The following JMJD1C variants were observed in gnomAD, a reference collection of about 807,000 sequenced individuals.
JMJD1C encodes jumonji domain containing 1C.
A neutral mutation model predicts 245.3 loss-of-function variants in JMJD1C; 31 were observed. The observed-to-expected ratio is 0.13, with a 90% CI of 0.09 to 0.17. The LOEUF (loss-of-function observed/expected upper bound fraction) is 0.17, where lower values mean the gene tolerates loss of function less well. Among genes scored for constraint, JMJD1C ranks in the 10% least tolerant of loss-of-function variants. The pLI, the probability that JMJD1C is intolerant of heterozygous loss-of-function variation, is 1.00. For missense variants in JMJD1C, 2,691 were observed against 3,000.2 expected (o/e 0.90, Z 2.41); for synonymous variants, 1,057 against 1,017.4 (o/e 1.04, Z -0.74).
intron 1 of JMJD1C, among the ~76,000 whole-genome samples, chr10:63,423,962 C>T (rs915329166): frequency 2.0e-5 from 3 of 152,048 alleles, no homozygotes; most frequent in African/African-American, 7.2e-5. Flanking sequence ...CTATTCAAGC[C>T]CTTTTCCCAT....
intron 1 of JMJD1C, among the ~76,000 whole-genome samples, chr10:63,412,835 T>A (rs1949566863): frequency 6.6e-6 from 1 of 152,200 alleles, no homozygotes; most frequent in African/African-American, 2.4e-5. Context: ...ATGGTTCATC[T>A]ATGAGTTTTT....
At chr10:63,363,058 G>A (rs1392783626) in intron 2 of JMJD1C, among the ~76,000 whole-genome samples, 1 of 151,988 alleles carries the variant, frequency 6.6e-6, no homozygotes, top group Non-Finnish European at 1.5e-5. Context: ...GGGGCTGAAA[G>A]AACCACTTAG....
At chr10:63,497,690 T>C (rs1020661631) in intron 1 of JMJD1C, among the ~76,000 whole-genome samples, 2 of 152,132 alleles carry the variant, frequency 1.3e-5, no homozygotes, top group South Asian at 4.1e-4. Flanking sequence ...GAATGAATGG[T>C]TTTAGAAAGT....
At chr10:63,264,045 T>C (rs1350033064) in intron 3 of JMJD1C, among the ~76,000 whole-genome samples, 1 of 149,182 alleles carries the variant, frequency 6.7e-6, no homozygotes, top group Non-Finnish European at 1.5e-5. Context: ...AAAAATTAAC[T>C]GGTAATTTCA....
At chr10:63,375,459 C>G (rs558549894) in intron 2 of JMJD1C, among the ~76,000 whole-genome samples, 2 of 151,816 alleles carry the variant, frequency 1.3e-5, no homozygotes, top group Non-Finnish European at 2.9e-5. Flanking sequence ...AACTACAAAA[C>G]ATAACTGAGC....
intron 1 of JMJD1C, among the ~76,000 whole-genome samples, chr10:63,390,172 A>C (rs1308481802): frequency 1.3e-5 from 2 of 152,144 alleles, no homozygotes; most frequent in Non-Finnish European, 2.9e-5. Flanking sequence ...ACCCAAATAA[A>C]CAAAATCAGA....
At chr10:63,230,039 G>A (rs576962432) in intron 3 of JMJD1C, among the ~76,000 whole-genome samples, 4 of 152,220 alleles carry the variant, frequency 2.6e-5, no homozygotes, top group East Asian at 1.9e-4. Context: ...GCATGTCCAC[G>A]GGCAAATCAT....
chr10:63,202,264 T>C (rs1846106809), intron 10 of JMJD1C: 2 of 978,936 alleles, frequency 2.0e-6, no homozygotes, highest in Admixed American at 6.2e-5. Context: ...AAAATATATA[T>C]AAATAAAAGC....
intron 2 of JMJD1C, among the ~76,000 whole-genome samples, chr10:63,350,766 G>A (rs1223597845): frequency 3.9e-5 from 6 of 151,934 alleles, no homozygotes; most frequent in African/African-American, 1.2e-4. Flanking sequence ...ACAGGCGCCC[G>A]CCACCGTGCC....
chr10:63,335,569 T>C (rs993364099), intron 2 of JMJD1C, among the ~76,000 whole-genome samples: 11 of 152,290 alleles, frequency 7.2e-5, no homozygotes, highest in Admixed American at 3.9e-4. Flanking sequence ...TGGAGTGCAG[T>C]GGCACAATCC....
In JMJD1C at chr10:63,209,213, T is replaced by G. The variant is rs1245667160; in HGVS notation, c.2717A>C (p.His906Pro). 6.2e-7 allele frequency: 1 copy of G among 1,611,114 alleles called. No homozygotes were observed. The highest frequency in any genetic ancestry group is 1.7e-5 in the Admixed American group (1 of 59,410). ...LRRNSPSPWL[H>P]QPTPVTSADG... ...TGCTGAGGTCACAGGGGTGGGCTGA[T>G]GTAGCCAAGGACTGGGAGAATTCTA... The change falls in exon 9 of 26, where the codon CAT becomes CCT. Residue 906 changes from histidine to proline, a missense_variant. Physicochemically the swap from His to Pro is moderately conservative, Grantham distance 77 (BLOSUM62 -2). Coordinates refer to ENST00000399262, the MANE Select transcript of JMJD1C (RefSeq NM_032776.3).
chr10:63,284,138 G>A (rs1196128402), intron 2 of JMJD1C, among the ~76,000 whole-genome samples: 1 of 151,940 alleles, frequency 6.6e-6, no homozygotes, highest in Non-Finnish European at 1.5e-5. Context: ...CTATTCTCTT[G>A]CCTCAGCCTC....
chr10:63,340,864 GA>G (rs377400278), intron 2 of JMJD1C, among the ~76,000 whole-genome samples: 2,485 of 152,228 alleles, frequency 0.016, 35 homozygotes, highest in Non-Finnish European at 0.025. Context: ...AGAATCGCTT[GA>G]ACCCAGGAGA....
chr10:63,443,661 G>A (rs1951525126), intron 1 of JMJD1C, among the ~76,000 whole-genome samples: 1 of 152,160 alleles, frequency 6.6e-6, no homozygotes, highest in Admixed American at 6.5e-5. Context: ...ACCTTTTATA[G>A]AGGTTTGGTT....
intron 8 of JMJD1C, among the ~76,000 whole-genome samples, chr10:63,212,910 G>C (rs773293049): frequency 2.6e-4 from 39 of 149,900 alleles, no homozygotes; most frequent in Non-Finnish European, 4.6e-4. Context: ...AAAATTAGCC[G>C]GGCGCGGTGG....
intron 1 of JMJD1C, among the ~76,000 whole-genome samples, chr10:63,381,901 T>G (rs1947248131): frequency 6.6e-6 from 1 of 151,694 alleles, no homozygotes; most frequent in African/African-American, 2.4e-5. Flanking sequence ...GAAGGAGAGG[T>G]TAGAAAATGT....
intron 3 of JMJD1C, among the ~76,000 whole-genome samples, chr10:63,229,016 A>C (rs1849645162): frequency 6.6e-6 from 1 of 152,190 alleles, no homozygotes. Context: ...CTGGGCTCTC[A>C]AGTAAAGTAA....
At chr10:63,289,902 C>T (rs1347854426) in intron 2 of JMJD1C, among the ~76,000 whole-genome samples, 1 of 151,716 alleles carries the variant, frequency 6.6e-6, no homozygotes, top group Non-Finnish European at 1.5e-5. Flanking sequence ...GATGACTGTA[C>T]CCATGTTACT....
chr10:63,460,983 C>T (rs569260060), intron 1 of JMJD1C, among the ~76,000 whole-genome samples: 52 of 152,186 alleles, frequency 3.4e-4, no homozygotes, highest in Non-Finnish European at 6.8e-4. Context: ...TGTGCCAGAA[C>T]ATATAGATGA....
Sources: gnomAD v4.1 joint callset for allele counts (sites outside exome capture counted in the v4.1 genomes callset) on GRCh38, gnomAD v4.1.1 for gene constraint, MANE v1.5 for transcripts, NCBI Gene and HGNC (gene_info 2026-07-23, HGNC 2026-07-21) for gene names.